LYST: variants seen among roughly 807,000 people sequenced by gnomAD.
The protein encoded by LYST is lysosomal-trafficking regulator.
LYST carries 192 observed loss-of-function variants against 413.6 expected under a neutral mutation model. That is an observed-to-expected ratio of 0.46 (90% CI 0.41 to 0.52). The LOEUF is 0.52. Ranked by LOEUF, LYST falls within the 20% of genes least tolerant of loss-of-function variation. LYST has a pLI of 0.00. For missense variants in LYST, 3,815 were observed against 4,499.9 expected (o/e 0.85, Z 4.35); for synonymous variants, 1,525 against 1,567.3 (o/e 0.97, Z 0.64).
chr1:235,805,651 G>A (rs953474207), intron 6 of LYST, 92 bp downstream of exon 6: 4 of 510,138 alleles, frequency 7.8e-6, no homozygotes, highest in African/African-American at 5.9e-5. Flanking sequence ...CATATATTAT[G>A]TAATACATAT....
rs941083993 is a variant in LYST at position 235,661,481 on chromosome 1, G to C, written c.*1459C>G. The C allele has an allele frequency of 6.6e-6, 1 of 152,248 alleles. No homozygotes were observed. Among genetic ancestry groups the C allele is most frequent in the African/African-American group, 2.4e-5 (1 of 41,436 alleles). 9.4% of individuals were successfully genotyped at this position (152,248 alleles called of 1,614,324 possible). ...GGATTCACACCTGGCCTGAGCACAC[G>C]GTGATCTAAATGCAGCCTAGGTATC... On this transcript the variant is annotated 3_prime_UTR_variant, in exon 53 of 53. Coordinates refer to ENST00000389793, the MANE Select transcript of LYST (RefSeq NM_000081.4).
At chr1:235,788,377 T>A (rs1325827133) in intron 13 of LYST, among the ~76,000 whole-genome samples, 1 of 151,962 alleles carries the variant, frequency 6.6e-6, no homozygotes, top group Non-Finnish European at 1.5e-5. Context: ...TTGTAGAGAT[T>A]GGGTTTCACT....
intron 14 of LYST, among the ~76,000 whole-genome samples, chr1:235,783,314 A>C (rs1198060963): frequency 6.6e-6 from 1 of 152,176 alleles, no homozygotes; most frequent in Non-Finnish European, 1.5e-5. Context: ...GGATACATTC[A>C]ATGACATACT....
At chr1:235,805,535 T>C (rs1296591169) in intron 6 of LYST, among the ~76,000 whole-genome samples, 3 of 151,590 alleles carry the variant, frequency 2.0e-5, no homozygotes, top group East Asian at 3.9e-4. Context: ...CTGACACTTA[T>C]AAAATGTGTG....
At chr1:235,788,589 G>T in intron 13 of LYST, 112 bp downstream of exon 13, 2 of 947,536 alleles carry the variant, frequency 2.1e-6, no homozygotes, top group Admixed American at 2.0e-5. Flanking sequence ...TTTTAAATGA[G>T]ACTTTTTGTT....
At chr1:235,681,558 G>T (rs922621670) in intron 48 of LYST, among the ~76,000 whole-genome samples, 12 of 152,170 alleles carry the variant, frequency 7.9e-5, no homozygotes, top group South Asian at 2.1e-4. Context: ...CAGGACACCA[G>T]TGAGAAGGTC....
At chr1:235,698,254 T>TA (rs983274676) in intron 45 of LYST, among the ~76,000 whole-genome samples, 1 of 152,160 alleles carries the variant, frequency 6.6e-6, no homozygotes, top group Non-Finnish European at 1.5e-5. Context: ...GTCATTTCTG[T>TA]AAAAAACCTG....
intron 39 of LYST, among the ~76,000 whole-genome samples, chr1:235,721,757 T>C (rs992914410): frequency 2.0e-5 from 3 of 152,192 alleles, no homozygotes; most frequent in African/African-American, 4.8e-5. Flanking sequence ...AGGGGATTTA[T>C]GACAGACTAT....
intron 3 of LYST, among the ~76,000 whole-genome samples, chr1:235,815,156 T>G (rs965574413): frequency 1.3e-5 from 2 of 152,214 alleles, no homozygotes; most frequent in African/African-American, 4.8e-5. Flanking sequence ...ACTGTCTGAA[T>G]GCCCATTTTC....
chr1:235,842,080 C>T (rs905548648), intron 1 of LYST, among the ~76,000 whole-genome samples: 2 of 151,914 alleles, frequency 1.3e-5, no homozygotes, highest in African/African-American at 4.8e-5. Flanking sequence ...TAATAATAGA[C>T]AGTGCAGACT....
intron 15 of LYST, 132 bp downstream of exon 15, chr1:235,781,795 T>C (rs1014267035): frequency 7.4e-6 from 5 of 676,352 alleles, no homozygotes; most frequent in African/African-American, 1.8e-5. Flanking sequence ...CATAGATGGA[T>C]ATTTTAGCCA....
At chr1:235,666,743 A>G (rs1658521002) in intron 50 of LYST, among the ~76,000 whole-genome samples, 1 of 152,158 alleles carries the variant, frequency 6.6e-6, no homozygotes, top group Non-Finnish European at 1.5e-5. Context: ...ATTATAGACA[A>G]TATTTTCCAT....
At chr1:235,837,609 A>G (rs1676714083) in intron 1 of LYST, among the ~76,000 whole-genome samples, 1 of 143,998 alleles carries the variant, frequency 6.9e-6, no homozygotes, top group Non-Finnish European at 1.5e-5. Context: ...CCTGGGTAAG[A>G]GTGAGACCCT....
At chr1:235,763,370 G>C (rs1297862722) in intron 21 of LYST, among the ~76,000 whole-genome samples, 1 of 151,904 alleles carries the variant, frequency 6.6e-6, no homozygotes, top group Non-Finnish European at 1.5e-5. Context: ...TTGTTCTTTG[G>C]GAAGTTCCCA....
At chr1:235,822,845 C>T (rs1674908905) in intron 3 of LYST, among the ~76,000 whole-genome samples, 1 of 152,192 alleles carries the variant, frequency 6.6e-6, no homozygotes, top group Admixed American at 6.5e-5. Flanking sequence ...TTTCCACTAT[C>T]ATGTAAAGAA....
intron 48 of LYST, among the ~76,000 whole-genome samples, chr1:235,684,864 A>C (rs1299702422): frequency 3.3e-5 from 5 of 152,096 alleles, no homozygotes; most frequent in Admixed American, 3.3e-4. Flanking sequence ...TCTGGGCTCA[A>C]GCGATCTTCT....
At chr1:235,878,273 C>T (rs149951019) in intron 1 of LYST, among the ~76,000 whole-genome samples, 10 of 152,258 alleles carry the variant, frequency 6.6e-5, no homozygotes, top group African/African-American at 2.2e-4. Flanking sequence ...TGCATTCCCA[C>T]CCTGAGTGAT....
At chr1:235,752,985 A>G in intron 26 of LYST, 59 bp downstream of exon 26, 2 of 942,660 alleles carry the variant, frequency 2.1e-6, no homozygotes, top group Admixed American at 1.9e-5. Flanking sequence ...CTAATACTAA[A>G]GTTTTCCTGT....
intron 1 of LYST, among the ~76,000 whole-genome samples, chr1:235,853,829 G>A (rs930579644): frequency 3.3e-5 from 5 of 152,060 alleles, no homozygotes; most frequent in Admixed American, 2.6e-4. Flanking sequence ...ACACTAAAAC[G>A]CACCAAACTT....
Sources: gnomAD v4.1 joint callset for allele counts (sites outside exome capture counted in the v4.1 genomes callset) on GRCh38, gnomAD v4.1.1 for gene constraint, MANE v1.5 for transcripts, NCBI Gene and HGNC (gene_info 2026-07-23, HGNC 2026-07-21) for gene names.